Variants in IPCEF1 observed in about 807,000 individuals in gnomAD.
The protein encoded by IPCEF1 is interactor protein for cytohesin exchange factors 1.
A neutral mutation model predicts 50.9 loss-of-function variants in IPCEF1; 31 were observed. That is an observed-to-expected ratio of 0.61 (90% CI 0.46 to 0.82). IPCEF1 has a LOEUF of 0.82. Among genes scored for constraint, IPCEF1 ranks in the 40% least tolerant of loss-of-function variants. The pLI, the probability that IPCEF1 is intolerant of heterozygous loss-of-function variation, is 0.00. For missense variants in IPCEF1, 458 were observed against 514.0 expected, an observed-to-expected ratio of 0.89 and a Z score of 1.05; for synonymous variants, 181 against 192.0, an observed-to-expected ratio of 0.94 and a Z score of 0.47.
intron 1 of IPCEF1, among the ~76,000 whole-genome samples, chr6:154,338,827 C>T (rs1417702942): frequency 6.6e-6 from 1 of 152,138 alleles, no homozygotes; most frequent in Non-Finnish European, 1.5e-5. Context: ...GAGGCTGAGA[C>T]AGGAGGATCG....
chr6:154,337,713 G>C (rs1157973086), intron 1 of IPCEF1, among the ~76,000 whole-genome samples: 3 of 152,208 alleles, frequency 2.0e-5, no homozygotes, highest in Non-Finnish European at 4.4e-5. Context: ...AAAGTGTTAA[G>C]AAACAAAGCT....
chr6:154,312,638 A>AAT (rs1783108917), intron 1 of IPCEF1, among the ~76,000 whole-genome samples: 1 of 151,840 alleles, frequency 6.6e-6, no homozygotes, highest in Non-Finnish European at 1.5e-5. Flanking sequence ...GAGCCACCGC[A>AAT]CCTGGCCAGA....
chr6:154,216,362 T>C (rs938321950), intron 7 of IPCEF1, among the ~76,000 whole-genome samples: 1 of 152,042 alleles, frequency 6.6e-6, no homozygotes, highest in South Asian at 2.1e-4. Flanking sequence ...TATGAACAAA[T>C]ATATCTTCTG....
At chr6:154,331,384 A>AAAGC in intron 1 of IPCEF1, among the ~76,000 whole-genome samples, 1 of 135,506 alleles carries the variant, frequency 7.4e-6, no homozygotes, top group Non-Finnish European at 1.6e-5. Flanking sequence ...AGAAAGAAAG[A>AAAGC]AAGAAAGAAA....
At chr6:154,181,261 A>G (rs1027096966) in intron 10 of IPCEF1, among the ~76,000 whole-genome samples, 1 of 152,212 alleles carries the variant, frequency 6.6e-6, no homozygotes, top group Non-Finnish European at 1.5e-5. Context: ...AATTTGAGAG[A>G]GAAATCTCCT....
intron 3 of IPCEF1, among the ~76,000 whole-genome samples, chr6:154,259,689 TAAAA>T (rs1223514402): frequency 6.6e-6 from 1 of 151,606 alleles, no homozygotes; most frequent in Admixed American, 6.6e-5. Context: ...AATAAATAAA[TAAAA>T]AGAAATATAG....
At chr6:154,207,452 A>G (rs1487296811) in intron 9 of IPCEF1, among the ~76,000 whole-genome samples, 2 of 152,248 alleles carry the variant, frequency 1.3e-5, no homozygotes, top group Non-Finnish European at 2.9e-5. Flanking sequence ...ACAGATATTG[A>G]ATAATCAAAT....
rs112543406 is a variant in IPCEF1, at chr6:154,236,243, C to T, written c.246+10348G>A. ...AGGAAGACAATTCTGAGACCTGCTA[C>T]CACATGGATGAACCTTGAAGACATT... On this transcript the variant is annotated intron_variant, in intron 5 of 11. Coordinates refer to ENST00000367220, the MANE Select transcript of IPCEF1 (RefSeq NM_001130700.2). Among the ~76,000 whole-genome samples the T allele has an allele frequency of 1.0e-2, 1,520 of 152,256 alleles. 6 individuals carry two copies. Among genetic ancestry groups the T allele is most frequent in the Non-Finnish European group, 0.015 (998 of 68,020 alleles).
At chr6:154,329,815 A>G (rs1783615954) in intron 1 of IPCEF1, among the ~76,000 whole-genome samples, 1 of 152,200 alleles carries the variant, frequency 6.6e-6, no homozygotes, top group Admixed American at 6.5e-5. Context: ...AAAGTGAGAG[A>G]GCAAATTAGA....
At chr6:154,306,314 C>T (rs1782930966) in intron 1 of IPCEF1, among the ~76,000 whole-genome samples, 1 of 152,156 alleles carries the variant, frequency 6.6e-6, no homozygotes, top group South Asian at 2.1e-4. Flanking sequence ...ACAGAATGAC[C>T]TCGAGTTAGA....
At chr6:154,332,383 A>C (rs2128694042) in intron 1 of IPCEF1, among the ~76,000 whole-genome samples, 1 of 151,296 alleles carries the variant, frequency 6.6e-6, no homozygotes, top group South Asian at 2.1e-4. Context: ...GGCATAAACC[A>C]CTGTACCCGG....
In IPCEF1 at chr6:154,199,771, T is replaced by C; in HGVS notation, c.807A>G (p.Gly269=). ...CATCACTAGATAAAGAGTTCAAAAA[T>C]CCACTTTCTGATGTGACAAAACTGT... ...LENSFVTSES[G]FLNSLSSDDT... is the part of the protein sequence containing the mutation. Residue 269 remains glycine (G), a synonymous_variant, in exon 10 of 12, where the codon GGA becomes GGG. Coordinates refer to ENST00000367220, the MANE Select transcript of IPCEF1 (RefSeq NM_001130700.2). 1 of 1,614,228 alleles carries C rather than the reference T, an allele frequency of 6.2e-7. No individual in the cohort carries two copies. The highest frequency in any genetic ancestry group is 8.5e-7 in the Non-Finnish European group (1 of 1,180,024).
chr6:154,243,559 A>G lies in IPCEF1; in HGVS notation c.246+3032T>C, dbSNP rs1030210877. Among the ~76,000 whole-genome samples, 4 of 152,356 alleles carry G rather than the reference A, an allele frequency of 2.6e-5. No individual in the cohort carries two copies. In the East Asian group the frequency reaches 7.7e-4, roughly 29 times the overall value. On this transcript the variant is annotated intron_variant, in intron 5 of 11. Transcript: ENST00000367220. ...CCCAGGCAGTGTCAGGCAATGACGG[A>G]GAGAGAAAAGCAAAGGGATTCAATG...
At chr6:154,346,931 A>G (rs1784042102) in intron 1 of IPCEF1, among the ~76,000 whole-genome samples, 2 of 152,268 alleles carry the variant, frequency 1.3e-5, no homozygotes, top group South Asian at 4.1e-4. Context: ...CTGCCTTCCT[A>G]TTTTTTAATC....
At chr6:154,237,414 A>G (rs1780222138) in intron 5 of IPCEF1, among the ~76,000 whole-genome samples, 1 of 152,216 alleles carries the variant, frequency 6.6e-6, no homozygotes, top group African/African-American at 2.4e-5. Context: ...CTTACACAGG[A>G]CAGATCATAG....
intron 1 of IPCEF1, among the ~76,000 whole-genome samples, chr6:154,337,769 G>A (rs1783818988): frequency 6.6e-6 from 1 of 152,204 alleles, no homozygotes; most frequent in African/African-American, 2.4e-5. Context: ...TATATAATGT[G>A]AGAAGAAAAC....
Position 154,200,591 on chromosome 6 carries a change from C to T in IPCEF1, c.538-551G>A, listed in dbSNP as rs191368898. On this transcript the variant is annotated intron_variant, in intron 9 of 11. Transcript: ENST00000367220. ...CAAAAATTAGCCTGGCTTGGTGGCGCGCACCTGTAGTCCCAGCTATTCAGG... is the reference window on the plus strand; with the variant it reads ...CAAAAATTAGCCTGGCTTGGTGGCGTGCACCTGTAGTCCCAGCTATTCAGG... Among the ~76,000 whole-genome samples the T allele has an allele frequency of 2.3e-4, 35 of 152,046 alleles. No individual in the cohort carries two copies. The South Asian group carries it at 6.2e-3, about 27-fold the overall frequency.
At chr6:154,305,011 G>A (rs1332006749) in intron 1 of IPCEF1, among the ~76,000 whole-genome samples, 1 of 152,140 alleles carries the variant, frequency 6.6e-6, no homozygotes, top group African/African-American at 2.4e-5. Flanking sequence ...CTACTCGGGA[G>A]GCTGAGGCAG....
chr6:154,261,433 G>A (rs150894142), intron 3 of IPCEF1, among the ~76,000 whole-genome samples: 2 of 152,316 alleles, frequency 1.3e-5, no homozygotes, highest in South Asian at 2.1e-4. Context: ...TCGTTGTCAT[G>A]TGGCAATTGG....
Sources: allele counts gnomAD v4.1 joint callset (sites outside exome capture counted in the v4.1 genomes callset), GRCh38; gene constraint gnomAD v4.1.1; transcripts MANE v1.5; gene names NCBI Gene and HGNC (gene_info 2026-07-23, HGNC 2026-07-21).